The following NBL1 variants were observed in gnomAD, a reference collection of about 807,000 sequenced individuals.
NBL1 encodes NBL1, DAN family BMP antagonist, also known as neuroblastoma suppressor of tumorigenicity 1.
Under a neutral mutation model 16.0 loss-of-function variants are expected in NBL1, and 9 were observed. The observed-to-expected ratio is 0.56, with a 90% CI of 0.34 to 0.98. The LOEUF is 0.98. Ranked by LOEUF, NBL1 falls within the 50% of genes least tolerant of loss-of-function variation. NBL1 has a pLI of 0.02. For missense variants in NBL1, 196 were observed against 243.1 expected (o/e 0.81, Z 1.29); for synonymous variants, 86 against 100.7 (o/e 0.85, Z 0.87).
intron 1 of NBL1, among the ~76,000 whole-genome samples, chr1:19,648,581 C>T (rs569623459): frequency 1.8e-4 from 28 of 152,360 alleles, no homozygotes; most frequent in African/African-American, 6.3e-4. Context: ...GTGTTTGTTC[C>T]CTGCCCTCTT....
In NBL1 at chr1:19,657,669, T is replaced by C. The variant is rs1167918088; in HGVS notation, c.*540T>C. The C allele has an allele frequency of 6.5e-6, 1 of 152,776 alleles. No individual in the cohort carries two copies. The highest frequency in any genetic ancestry group is 1.5e-5 in the Non-Finnish European group (1 of 68,220). 9.5% of individuals were successfully genotyped at this position (152,776 alleles called of 1,614,324 possible). A position where few individuals can be genotyped will look rare whatever the true frequency, so the allele number is the denominator to read the frequency against. ...CATCTCCAGGGAAGCGTCGCCCCAG[T>C]GGCACTGAAGTGGCCCTCCCTCAGC... On this transcript the variant is annotated 3_prime_UTR_variant, in exon 4 of 4. Transcript: ENST00000375136.
chr1:19,649,969 GTTTTC>G (rs111903141), intron 1 of NBL1, among the ~76,000 whole-genome samples: 9 of 151,734 alleles, frequency 5.9e-5, no homozygotes, highest in East Asian at 1.9e-4. Context: ...CCTACTTTAC[GTTTTC>G]TTTTCTTTTC....
At position 19,644,528 on chromosome 1, in the gene NBL1, G is replaced by A. The variant is rs2094965890; in HGVS notation, c.-20+82G>A. On this transcript the variant is annotated intron_variant, in intron 1 of 3. Transcript: ENST00000375136. The surrounding 1 kb of genome is among the most constrained non-coding windows in gnomAD (Gnocchi z 4.6). ...GGGGCAGTGCCGCGCCCCCAGCCCG[G>A]AGCTGCGTCCCCCGGCGCGTCCGGC... The A allele has an allele frequency of 2.5e-6, 2 of 808,448 alleles. No homozygotes were observed. The highest frequency in any genetic ancestry group is 1.5e-6 in the Non-Finnish European group (1 of 670,310). 50.1% of individuals were successfully genotyped at this position (808,448 alleles called of 1,614,324 possible). A position where few individuals can be genotyped will look rare whatever the true frequency, so the allele number is the denominator to read the frequency against.
intron 1 of NBL1, among the ~76,000 whole-genome samples, chr1:19,651,016 G>C (rs2095021795): frequency 6.6e-6 from 1 of 152,160 alleles, no homozygotes; most frequent in Non-Finnish European, 1.5e-5. Flanking sequence ...TGATCCCCTG[G>C]GGGGAAGAGA....
At chr1:19,646,551 A>G (rs1477315787) in intron 1 of NBL1, among the ~76,000 whole-genome samples, 1 of 152,178 alleles carries the variant, frequency 6.6e-6, no homozygotes, top group East Asian at 1.9e-4. Context: ...CAACAATTTC[A>G]GTTGCACCAT....
intron 3 of NBL1, among the ~76,000 whole-genome samples, 161 bp from the exon 4 acceptor site, chr1:19,656,705 A>G (rs560821793): frequency 1.3e-5 from 2 of 152,152 alleles, no homozygotes; most frequent in African/African-American, 2.4e-5. Context: ...TGGCTTGTGC[A>G]GGGGTTCAAT....
chr1:19,652,643 C>G (rs1015549365), intron 1 of NBL1, among the ~76,000 whole-genome samples: 7 of 152,090 alleles, frequency 4.6e-5, no homozygotes, highest in Admixed American at 4.6e-4. Flanking sequence ...TGCAGGAGCC[C>G]CACTCAGCCA....
intron 1 of NBL1, among the ~76,000 whole-genome samples, chr1:19,654,523 C>T (rs1424465371): frequency 1.3e-5 from 2 of 152,178 alleles, no homozygotes; most frequent in Non-Finnish European, 2.9e-5. Flanking sequence ...GCCAGCCCCT[C>T]CAGGGCTGTG....
rs1237195309 is a variant in NBL1 at position 19,657,329 on chromosome 1, A to G, written c.*200A>G. 2 of 317,856 alleles carry G rather than the reference A, an allele frequency of 6.3e-6. No homozygotes were observed. Among genetic ancestry groups the G allele is most frequent in the Non-Finnish European group, 1.1e-5 (2 of 177,450 alleles). The allele number at this position is 317,856 out of a possible 1,614,324, so 19.7% of individuals were successfully genotyped here. A position where few individuals can be genotyped will look rare whatever the true frequency, so the allele number is the denominator to read the frequency against. ...CAAGCTGCACAATTTAATATATTCA[A>G]GAGTGGGGGGAGGAAGCAGAGGTCT... is the stretch of plus-strand genomic sequence containing the variant. On this transcript the variant is annotated 3_prime_UTR_variant, in exon 4 of 4. Transcript: ENST00000375136.
upstream of NBL1, chr1:19,644,179 G>A (rs980048024): frequency 2.2e-5 from 22 of 980,290 alleles, no homozygotes; most frequent in Admixed American, 3.8e-4. The surrounding 1 kb of genome is among the most constrained non-coding windows in gnomAD (Gnocchi z 4.6). Flanking sequence ...GCACCCGGAG[G>A]GAGAGGCCGC....
At chr1:19,644,119 C>CGGGCCAGGAGA, upstream of NBL1, 4 of 973,604 alleles carry the variant, frequency 4.1e-6, no homozygotes, top group Non-Finnish European at 4.9e-6. This position sits in a 1 kb window ranked among gnomAD's most constrained non-coding sequence, Gnocchi z 4.6. Flanking sequence ...CCGGGGCGGG[C>CGGGCCAGGAGA]GGGCCAGGAG....
upstream of NBL1, chr1:19,643,560 T>C: frequency 2.1e-6 from 3 of 1,429,406 alleles, no homozygotes; most frequent in African/African-American, 2.9e-5. The surrounding 1 kb of genome is among the most constrained non-coding windows in gnomAD (Gnocchi z 4.7). Context: ...ACTGATTAGA[T>C]AGGAACCCCC....
At position 19,657,267 on chromosome 1, in the gene NBL1, C is replaced by G; in HGVS notation, c.*138C>G. ...TTCAGACTCGGACTTGAATGCTGCC[C>G]GGTTGCCATGGAGATCTGAAGGGGC... On this transcript the variant is annotated 3_prime_UTR_variant, in exon 4 of 4. Transcript: ENST00000375136. The G allele has an allele frequency of 1.8e-6, 1 of 548,646 alleles. No individual in the cohort carries two copies. The highest frequency in any genetic ancestry group is 2.8e-5 in the East Asian group (1 of 35,456). 34.0% of individuals were successfully genotyped at this position (548,646 alleles called of 1,614,324 possible).
intron 3 of NBL1, 111 bp from the exon 4 acceptor site, chr1:19,656,755 A>G (rs1378444012): frequency 2.1e-6 from 3 of 1,436,494 alleles, no homozygotes; most frequent in Non-Finnish European, 2.8e-6. Context: ...ACTGGGCATC[A>G]CAGGTGGGCT....
At chr1:19,645,002 G>GCCTCTGGCTTTTCTCTC (rs369892231) in intron 1 of NBL1, among the ~76,000 whole-genome samples, 307 of 152,294 alleles carry the variant, frequency 2.0e-3, no homozygotes, top group African/African-American at 7.1e-3. Flanking sequence ...TTGTGTCTCT[G>GCCTCTGGCTTTTCTCTC]CCTCTGGCTT....
At chr1:19,649,980 T>C (rs1265665147) in intron 1 of NBL1, among the ~76,000 whole-genome samples, 1 of 152,064 alleles carries the variant, frequency 6.6e-6, no homozygotes, top group Non-Finnish European at 1.5e-5. Flanking sequence ...TTTTCTTTTC[T>C]TTTCTTTTCT....
At chr1:19,655,671 G>A (rs2095052181) in intron 3 of NBL1, among the ~76,000 whole-genome samples, 1 of 152,220 alleles carries the variant, frequency 6.6e-6, no homozygotes, top group African/African-American at 2.4e-5. Flanking sequence ...CCATTCTGAT[G>A]TCTCTCATGG....
At chr1:19,648,131 G>T (rs985796771) in intron 1 of NBL1, among the ~76,000 whole-genome samples, 2 of 152,050 alleles carry the variant, frequency 1.3e-5, no homozygotes, top group Non-Finnish European at 2.9e-5. Flanking sequence ...GGGGAGGATG[G>T]TTCACTTGTT....
intron 1 of NBL1, among the ~76,000 whole-genome samples, chr1:19,654,547 G>A (rs1228280330): frequency 1.3e-5 from 2 of 152,180 alleles, no homozygotes; most frequent in African/African-American, 4.8e-5. Flanking sequence ...ACAGCTTTTT[G>A]TGTATTTTCC....
Sources: allele counts gnomAD v4.1 joint callset (sites outside exome capture counted in the v4.1 genomes callset), GRCh38; gene constraint gnomAD v4.1.1; non-coding constraint Gnocchi (gnomAD v3.1); transcripts MANE v1.5; gene names NCBI Gene and HGNC (gene_info 2026-07-23, HGNC 2026-07-21).